Variants in ADCY2 observed in about 807,000 individuals in gnomAD.
The protein encoded by ADCY2 is adenylate cyclase type 2.
A neutral mutation model predicts 125.2 loss-of-function variants in ADCY2; 31 were observed. That is an observed-to-expected ratio of 0.25 (90% confidence interval 0.19 to 0.33). The LOEUF is 0.33. ADCY2 is among the 10% of genes least tolerant of loss of function. ADCY2 has a pLI of 1.00. For synonymous variants in ADCY2, 512 were observed against 548.4 expected (o/e 0.93, Z 0.93); for missense variants, 904 against 1,418.2 (o/e 0.64, Z 5.82).
intron 2 of ADCY2, among the ~76,000 whole-genome samples, chr5:7,495,467 G>C (rs1743312102): frequency 6.6e-6 from 1 of 152,210 alleles, no homozygotes; most frequent in Non-Finnish European, 1.5e-5. Context: ...CAGAAGAATA[G>C]CAGACCTTAA....
chr5:7,670,026 C>A (rs1017028001), intron 4 of ADCY2, among the ~76,000 whole-genome samples: 7 of 152,324 alleles, frequency 4.6e-5, no homozygotes, highest in African/African-American at 1.7e-4. Context: ...GTGCCTGGCT[C>A]AGGGTAACCA....
At chr5:7,541,319 G>C (rs1460518305) in intron 3 of ADCY2, among the ~76,000 whole-genome samples, 4 of 152,212 alleles carry the variant, frequency 2.6e-5, no homozygotes, top group Non-Finnish European at 5.9e-5. Flanking sequence ...CAGATGGTGT[G>C]AAATGCAAGA....
At chr5:7,660,286 AGG>A (rs1739482372) in intron 4 of ADCY2, among the ~76,000 whole-genome samples, 1 of 149,086 alleles carries the variant, frequency 6.7e-6, no homozygotes, top group African/African-American at 2.5e-5. Flanking sequence ...GAAGGAAGGA[AGG>A]AAGGAAGGAA....
At chr5:7,780,746 G>T (rs1461882560) in intron 18 of ADCY2, among the ~76,000 whole-genome samples, 1 of 150,396 alleles carries the variant, frequency 6.6e-6, no homozygotes, top group Non-Finnish European at 1.5e-5. Context: ...GTGTCTATGT[G>T]CCTGGACTGC....
intron 20 of ADCY2, among the ~76,000 whole-genome samples, chr5:7,791,147 T>C (rs139235014): frequency 6.6e-6 from 1 of 152,244 alleles, no homozygotes; most frequent in East Asian, 1.9e-4. Flanking sequence ...GTGGCCCTTC[T>C]ATGTTGCAGC....
intron 22 of ADCY2, among the ~76,000 whole-genome samples, chr5:7,813,809 A>G (rs1227885589): frequency 6.6e-6 from 1 of 152,222 alleles, no homozygotes; most frequent in Non-Finnish European, 1.5e-5. Flanking sequence ...ATAATTTCTC[A>G]AGGAGCGGAG....
intron 3 of ADCY2, among the ~76,000 whole-genome samples, chr5:7,532,723 C>CA (rs1222795934): frequency 6.6e-6 from 1 of 152,020 alleles, no homozygotes; most frequent in Non-Finnish European, 1.5e-5. Context: ...CATTCGTGGA[C>CA]AAGACTGTAT....
At chr5:7,397,417 G>T (rs932972862) in intron 1 of ADCY2, among the ~76,000 whole-genome samples, 6 of 132,808 alleles carry the variant, frequency 4.5e-5, no homozygotes, top group Non-Finnish European at 7.9e-5. Context: ...TGCAGATTTT[G>T]TGCGAGGCAT....
At chr5:7,622,977 G>A (rs1424223926) in intron 3 of ADCY2, among the ~76,000 whole-genome samples, 1 of 152,162 alleles carries the variant, frequency 6.6e-6, no homozygotes, top group Non-Finnish European at 1.5e-5. Context: ...TTACAACAAG[G>A]CCCTCTGAGC....
At chr5:7,580,856 A>G (rs1736404431) in intron 3 of ADCY2, among the ~76,000 whole-genome samples, 1 of 152,252 alleles carries the variant, frequency 6.6e-6, no homozygotes, top group African/African-American at 2.4e-5. Context: ...AAGGGAAACA[A>G]TATGAATGAC....
At chr5:7,429,812 A>G (rs1446580486) in intron 2 of ADCY2, among the ~76,000 whole-genome samples, 1 of 152,212 alleles carries the variant, frequency 6.6e-6, no homozygotes, top group Non-Finnish European at 1.5e-5. Flanking sequence ...AAAAGAAGAA[A>G]GGACTGAAAT....
chr5:7,673,269 A>AATATATATATATATATAT (rs1180249627), intron 4 of ADCY2, among the ~76,000 whole-genome samples: 237 of 3,934 alleles, frequency 0.06, 21 homozygotes, highest in Middle Eastern at 0.25. Context: ...AAAAAAAAAA[A>AATATATATATATATATAT]ATATATATAT....
Position 7,721,440 on chromosome 5 carries a change from A to G in ADCY2, c.1704-3105A>G, listed in dbSNP as rs186046638. Among the ~76,000 whole-genome samples, 1,042 of 152,192 alleles carry G rather than the reference A, an allele frequency of 6.8e-3. 11 individuals carry two copies. The highest frequency in any genetic ancestry group is 0.011 in the Non-Finnish European group (725 of 68,008). ...GTCAATTTTGGCTTTTGTTGCCATC[A>G]CTTTTGGTGTTTTAGTCATGAAGTC... On this transcript the variant is annotated intron_variant, in intron 12 of 24. Coordinates refer to ENST00000338316, the MANE Select transcript of ADCY2 (RefSeq NM_020546.3).
At chr5:7,817,875 A>G (rs1192760179) in intron 23 of ADCY2, among the ~76,000 whole-genome samples, 2 of 150,024 alleles carry the variant, frequency 1.3e-5, no homozygotes, top group African/African-American at 4.9e-5. Flanking sequence ...TTGGTTGAAA[A>G]CAAAGGCTTC....
intron 3 of ADCY2, among the ~76,000 whole-genome samples, chr5:7,573,570 C>T (rs1188822379): frequency 1.4e-5 from 2 of 139,404 alleles, no homozygotes; most frequent in Non-Finnish European, 3.3e-5. Context: ...CATTTGCAGC[C>T]TCTGGGATAC....
At chr5:7,557,201 A>ATAT in intron 3 of ADCY2, among the ~76,000 whole-genome samples, 3 of 140,062 alleles carry the variant, frequency 2.1e-5, no homozygotes, top group Non-Finnish European at 3.2e-5. Flanking sequence ...TGATATATAT[A>ATAT]ACTCAAGTGA....
chr5:7,536,507 A>C (rs774522959), intron 3 of ADCY2, among the ~76,000 whole-genome samples: 1 of 152,106 alleles, frequency 6.6e-6, no homozygotes, highest in Non-Finnish European at 1.5e-5. Context: ...ACCTTGATTG[A>C]TTGCCTCCCT....
intron 4 of ADCY2, among the ~76,000 whole-genome samples, chr5:7,674,045 T>TA (rs533995959): frequency 7.9e-4 from 117 of 147,528 alleles, no homozygotes; most frequent in African/African-American, 2.9e-3. Context: ...AGCCGCCCGC[T>TA]GGCAGGGGCC....
At chr5:7,737,024 CA>C (rs1742269707) in intron 14 of ADCY2, among the ~76,000 whole-genome samples, 1 of 151,464 alleles carries the variant, frequency 6.6e-6, no homozygotes, top group African/African-American at 2.4e-5. Context: ...TTGCTATTTT[CA>C]AAAGAAAAAG....
Sources: allele counts gnomAD v4.1 joint callset (sites outside exome capture counted in the v4.1 genomes callset), GRCh38; gene constraint gnomAD v4.1.1; transcripts MANE v1.5; gene names NCBI Gene and HGNC (gene_info 2026-07-23, HGNC 2026-07-21).